SNX16: variants seen among roughly 807,000 people sequenced by gnomAD.
The protein encoded by SNX16 is sorting nexin-16.
In SNX16, 35 loss-of-function variants were observed where a neutral mutation model predicts 36.7. That is an observed-to-expected ratio of 0.95 (90% CI 0.73 to 1.27). SNX16 has a LOEUF of 1.27. Among genes scored for constraint, SNX16 ranks in the 50% most tolerant of loss-of-function variants. The pLI, the probability that SNX16 is intolerant of heterozygous loss-of-function variation, is 0.00. For missense variants in SNX16, 367 were observed against 393.6 expected (o/e 0.93, Z 0.57); for synonymous variants, 134 against 132.0 (o/e 1.02, Z -0.10).
rs1474887889 is a variant in SNX16, at chr8:81,800,744, T to C, written c.*753A>G. ...GCCTTAACAAAAGGAGGTAGTATTC[T>C]GAAAGAGGCAAACTCACTAAATCTA... On this transcript the variant is annotated 3_prime_UTR_variant, in exon 8 of 8. Coordinates refer to ENST00000345957, the MANE Select transcript of SNX16 (RefSeq NM_152836.3). 1 of 152,226 alleles carries C rather than the reference T, an allele frequency of 6.6e-6. No homozygotes were observed. Among genetic ancestry groups the C allele is most frequent in the African/African-American group, 2.4e-5 (1 of 41,448 alleles). The allele number at this position is 152,226 out of a possible 1,614,324, so 9.4% of individuals were successfully genotyped here. A position where few individuals can be genotyped will look rare whatever the true frequency, so the allele number is the denominator to read the frequency against.
At chr8:81,806,822 T>A (rs932582535) in intron 5 of SNX16, among the ~76,000 whole-genome samples, 1 of 151,964 alleles carries the variant, frequency 6.6e-6, no homozygotes, top group Admixed American at 6.6e-5. Flanking sequence ...AAAATAGATA[T>A]ATAAAAATCA....
intron 5 of SNX16, among the ~76,000 whole-genome samples, chr8:81,811,846 A>C (rs1257937551): frequency 1.3e-5 from 2 of 152,170 alleles, no homozygotes; most frequent in African/African-American, 2.4e-5. Context: ...AACGGCCCCA[A>C]ATGTTAGGCA....
rs919780747 is a variant in SNX16 at position 81,821,701 on chromosome 8, AT to A, written c.611+2090del. On this transcript the variant is annotated intron_variant, in intron 4 of 7. Coordinates refer to ENST00000345957, the MANE Select transcript of SNX16 (RefSeq NM_152836.3). ...CGCTAACTCTGTCACATTGGCTTCA[AT>A]TTTTTTTTTCTAATACACAGTATAT... Among the ~76,000 whole-genome samples, 248 of 149,590 alleles carry A rather than the reference AT, an allele frequency of 1.7e-3. 3 individuals are homozygous for A. The highest frequency in any genetic ancestry group is 5.6e-3 in the African/African-American group (228 of 40,880).
intron 1 of SNX16, 89 bp from the exon 2 acceptor site, chr8:81,840,171 A>C: frequency 1.6e-6 from 1 of 624,762 alleles, no homozygotes; most frequent in South Asian, 3.0e-5. Flanking sequence ...TTATGACACT[A>C]TTATTTTATT....
chr8:81,829,812 T>C (rs972987919), intron 2 of SNX16, among the ~76,000 whole-genome samples: 8 of 152,130 alleles, frequency 5.3e-5, no homozygotes, highest in African/African-American at 1.9e-4. Context: ...TATTCTAAAA[T>C]TGATTAAAAA....
chr8:81,802,967 A>G, intron 6 of SNX16, 125 bp downstream of exon 6: 2 of 840,230 alleles, frequency 2.4e-6, no homozygotes, highest in Non-Finnish European at 3.4e-6. Context: ...CCAATGAAGT[A>G]TGCCAAAAGC....
intron 4 of SNX16, among the ~76,000 whole-genome samples, chr8:81,819,848 C>T (rs769364462): frequency 5.9e-5 from 9 of 152,076 alleles, no homozygotes; most frequent in African/African-American, 9.6e-5. Context: ...CCATTCAATT[C>T]GTATTTTCTT....
intron 5 of SNX16, among the ~76,000 whole-genome samples, chr8:81,813,038 G>A (rs1406222127): frequency 6.6e-6 from 1 of 151,886 alleles, no homozygotes; most frequent in Non-Finnish European, 1.5e-5. Context: ...GGAATGGGAT[G>A]GAGACAGATG....
chr8:81,821,976 A>G (rs1256801914), intron 4 of SNX16, among the ~76,000 whole-genome samples: 1 of 152,112 alleles, frequency 6.6e-6, no homozygotes, highest in Admixed American at 6.6e-5. Context: ...ACTGACCCCT[A>G]CTGATAATGA....
At chr8:81,802,963 A>T in intron 6 of SNX16, 129 bp downstream of exon 6, 1 of 779,126 alleles carries the variant, frequency 1.3e-6, no homozygotes, top group Non-Finnish European at 1.9e-6. Context: ...TTTCCCAATG[A>T]AGTATGCCAA....
At chr8:81,801,696 A>G in intron 7 of SNX16, 103 bp from the exon 8 acceptor site, 8 of 292,226 alleles carry the variant, frequency 2.7e-5, no homozygotes, top group East Asian at 4.1e-5. Flanking sequence ...CTTATAGAAA[A>G]TTTACATACT....
intron 4 of SNX16, 69 bp downstream of exon 4, chr8:81,823,723 G>A (rs1810880273): frequency 1.5e-6 from 2 of 1,366,960 alleles, no homozygotes; most frequent in African/African-American, 1.5e-5. Context: ...TATGATCATA[G>A]ATTTATTCTT....
chr8:81,801,710 T>A, intron 7 of SNX16, 117 bp from the exon 8 acceptor site: 1 of 548,382 alleles, frequency 1.8e-6, no homozygotes, highest in Non-Finnish European at 3.1e-6. Flanking sequence ...ACATACTTAG[T>A]GTAAAAGTAT....
At chr8:81,827,863 C>A (rs1368206283) in intron 3 of SNX16, among the ~76,000 whole-genome samples, 1 of 152,086 alleles carries the variant, frequency 6.6e-6, no homozygotes, top group African/African-American at 2.4e-5. Flanking sequence ...TTATTAAACA[C>A]CTGTCAAAAT....
intron 4 of SNX16, among the ~76,000 whole-genome samples, chr8:81,817,716 C>T (rs1810556396): frequency 1.3e-5 from 2 of 152,124 alleles, no homozygotes; most frequent in African/African-American, 4.8e-5. Context: ...AAGGAGAGGA[C>T]ACACAAGAAT....
In SNX16 at chr8:81,840,048, T is replaced by C; in HGVS notation, c.-62A>G. 6.7e-7 allele frequency: 1 copy of C among 1,499,364 alleles called. No individual in the cohort carries two copies. Among genetic ancestry groups the C allele is most frequent in the Non-Finnish European group, 8.9e-7 (1 of 1,125,502 alleles). 92.9% of individuals were successfully genotyped at this position (1,499,364 alleles called of 1,614,324 possible). On this transcript the variant is annotated 5_prime_UTR_variant, in exon 2 of 8. Coordinates refer to ENST00000345957, the MANE Select transcript of SNX16 (RefSeq NM_152836.3). ...GAGTCCACTTAGAGAACAACTAATATGCAATCCATTATTTTCTTCTTAGGA... is the reference window on the plus strand; with the variant it reads ...GAGTCCACTTAGAGAACAACTAATACGCAATCCATTATTTTCTTCTTAGGA...
At chr8:81,803,005 T>A in intron 6 of SNX16, 87 bp downstream of exon 6, 2 of 1,209,898 alleles carry the variant, frequency 1.7e-6, no homozygotes, top group Admixed American at 5.8e-5. Context: ...AGAAAATTCC[T>A]AAATCATATT....
At position 81,803,007 on chromosome 8, in the gene SNX16, A is replaced by T. The variant is rs965318837; in HGVS notation, c.818+85T>A. 4.9e-6 allele frequency: 6 copies of T among 1,220,396 alleles called. No individual in the cohort carries two copies. In the Admixed American group the frequency reaches 1.7e-4, roughly 35 times the overall value. The allele number at this position is 1,220,396 out of a possible 1,614,324, so 75.6% of individuals were successfully genotyped here. A position where few individuals can be genotyped will look rare whatever the true frequency, so the allele number is the denominator to read the frequency against. The stretch of plus-strand genomic sequence containing the variant: ...AACTTTCAGAATCAGAAAATTCCTA[A>T]ATCATATTAAAATATAAAGGGCAGT... On this transcript the variant is annotated intron_variant, in intron 6 of 7. Transcript: ENST00000345957.
At chr8:81,815,755 A>G (rs1253481710) in intron 4 of SNX16, 1 of 165,694 alleles carries the variant, frequency 6.0e-6, no homozygotes, top group Middle Eastern at 2.8e-3. Flanking sequence ...TGCAATTTCT[A>G]ATTTATACCT....
Sources: allele counts gnomAD v4.1 joint callset (sites outside exome capture counted in the v4.1 genomes callset), GRCh38; gene constraint gnomAD v4.1.1; transcripts MANE v1.5; gene names NCBI Gene and HGNC (gene_info 2026-07-23, HGNC 2026-07-21).